The following CHRM3 variants were observed in gnomAD, a reference collection of about 807,000 sequenced individuals.
CHRM3 encodes muscarinic acetylcholine receptor M3.
CHRM3 carries 11 observed loss-of-function variants against 41.8 expected under a neutral mutation model. The ratio of observed to expected loss-of-function variants is 0.26; its 90% CI spans 0.17 to 0.44. The LOEUF is 0.44. Ranked by LOEUF, CHRM3 falls within the 20% of genes least tolerant of loss-of-function variation. The pLI is 1.00. For missense variants in CHRM3, 571 were observed against 745.4 expected (o/e 0.77, Z 2.72); for synonymous variants, 297 against 301.4 (o/e 0.99, Z 0.15).
intron 1 of CHRM3, among the ~76,000 whole-genome samples, chr1:239,461,653 G>A (rs1665369914): frequency 6.6e-6 from 1 of 152,048 alleles, no homozygotes; most frequent in Non-Finnish European, 1.5e-5. Flanking sequence ...CTCCCTGGTG[G>A]TCTCTCTGGT....
intron 4 of CHRM3, among the ~76,000 whole-genome samples, chr1:239,635,002 C>T (rs1193990243): frequency 6.6e-6 from 1 of 152,220 alleles, no homozygotes; most frequent in African/African-American, 2.4e-5. Context: ...CAGGGAAATA[C>T]TCTGATATCT....
intron 1 of CHRM3, among the ~76,000 whole-genome samples, chr1:239,396,711 A>G (rs1023584075): frequency 6.6e-6 from 1 of 152,220 alleles, no homozygotes; most frequent in African/African-American, 2.4e-5. Context: ...TATCAAAAGT[A>G]AAAGTCCACC....
chr1:239,533,511 G>A lies in CHRM3; in HGVS notation c.-421-12130G>A, dbSNP rs574513231. Among the ~76,000 whole-genome samples the A allele has an allele frequency of 1.3e-4, 19 of 151,388 alleles. No individual in the cohort carries two copies. In the South Asian group the frequency reaches 3.8e-3, roughly 30 times the overall value. The stretch of plus-strand genomic sequence containing the variant: ...AGCGCTTTGGGAGGCCGAGATGGGT[G>A]GATCATCTAAGGTCAGGAGTTTGAG... On this transcript the variant is annotated intron_variant, in intron 2 of 6. Coordinates refer to ENST00000676153, the MANE Select transcript of CHRM3 (RefSeq NM_001375978.1).
intron 6 of CHRM3, among the ~76,000 whole-genome samples, chr1:239,904,891 A>C (rs949742464): frequency 6.6e-6 from 1 of 152,210 alleles, no homozygotes; most frequent in African/African-American, 2.4e-5. Context: ...ACATGTGTAC[A>C]TGTATTTATA....
intron 6 of CHRM3, among the ~76,000 whole-genome samples, chr1:239,858,629 A>G (rs1461172568): frequency 6.6e-6 from 1 of 152,092 alleles, no homozygotes; most frequent in Non-Finnish European, 1.5e-5. Context: ...TTAGTCACGA[A>G]TCATTTTAAA....
At chr1:239,736,585 G>A (rs1479453416) in intron 5 of CHRM3, among the ~76,000 whole-genome samples, 1 of 152,016 alleles carries the variant, frequency 6.6e-6, no homozygotes, top group Non-Finnish European at 1.5e-5. Context: ...ATGACTCTCA[G>A]ATTAATATAC....
At chr1:239,855,628 A>T (rs1002556655) in intron 6 of CHRM3, among the ~76,000 whole-genome samples, 1 of 152,102 alleles carries the variant, frequency 6.6e-6, no homozygotes, top group South Asian at 2.1e-4. Flanking sequence ...GAGTCTGCTT[A>T]TAGATTGATC....
chr1:239,759,615 T>A (rs1185148789), intron 5 of CHRM3, among the ~76,000 whole-genome samples: 2 of 152,184 alleles, frequency 1.3e-5, no homozygotes, highest in Non-Finnish European at 2.9e-5. Context: ...AAAATAGTCA[T>A]TTGCTTTTTA....
intron 1 of CHRM3, among the ~76,000 whole-genome samples, chr1:239,448,743 A>C (rs1664344572): frequency 6.6e-6 from 1 of 152,180 alleles, no homozygotes; most frequent in African/African-American, 2.4e-5. Context: ...ACTATTGATA[A>C]TAATCATTAC....
intron 2 of CHRM3, among the ~76,000 whole-genome samples, chr1:239,494,133 C>G (rs1667731796): frequency 6.6e-6 from 1 of 152,082 alleles, no homozygotes. Flanking sequence ...TTAGAACTTT[C>G]TAGGAAAGAA....
At chr1:239,572,766 A>T (rs1006733188) in intron 3 of CHRM3, among the ~76,000 whole-genome samples, 6 of 152,218 alleles carry the variant, frequency 3.9e-5, no homozygotes, top group Admixed American at 2.6e-4. Context: ...GTGATATGGG[A>T]TGCATATGAA....
intron 5 of CHRM3, among the ~76,000 whole-genome samples, chr1:239,817,798 A>G (rs1671716286): frequency 6.6e-6 from 1 of 152,108 alleles, no homozygotes; most frequent in African/African-American, 2.4e-5. Flanking sequence ...TTAAGCAGCT[A>G]CAATGTTACT....
rs1391715587 is a variant in CHRM3, at chr1:239,748,047, T to G, written c.-147+69759T>G. 6.6e-6 allele frequency among the ~76,000 whole-genome samples: 1 copy of G among 151,892 alleles called. No individual in the cohort carries two copies. Among genetic ancestry groups the G allele is most frequent in the African/African-American group, 2.4e-5 (1 of 41,366 alleles). ...AGACTCTGTCTCAAAAAATAAACAC[T>G]GATATTTAAAGGAACACTGTGAAAA... On this transcript the variant is annotated intron_variant, in intron 5 of 6. Coordinates refer to ENST00000676153, the MANE Select transcript of CHRM3 (RefSeq NM_001375978.1). The surrounding 1 kb of genome is among the most constrained non-coding windows in gnomAD (Gnocchi z 4.3).
At chr1:239,701,324 C>T (rs1660665260) in intron 5 of CHRM3, among the ~76,000 whole-genome samples, 1 of 152,186 alleles carries the variant, frequency 6.6e-6, no homozygotes, top group Admixed American at 6.5e-5. Context: ...CTAGCATGTA[C>T]TGATAAACTA....
chr1:239,794,005 G>A (rs1292678163), intron 5 of CHRM3, among the ~76,000 whole-genome samples: 8 of 151,538 alleles, frequency 5.3e-5, no homozygotes, highest in Admixed American at 5.3e-4. Flanking sequence ...GTATAGACAG[G>A]GTGTTGCCCT....
At position 239,663,065 on chromosome 1, in the gene CHRM3, G is replaced by T. The variant is rs1673424285; in HGVS notation, c.-249-15121G>T. On this transcript the variant is annotated intron_variant, in intron 4 of 6. Transcript: ENST00000676153. ...CTTCTGTTTTTTAAATCTCTCACATGTATTGCTGTGTTTGGGAAGCAGAAG... is the reference window on the plus strand; with the variant it reads ...CTTCTGTTTTTTAAATCTCTCACATTTATTGCTGTGTTTGGGAAGCAGAAG... Among the ~76,000 whole-genome samples the T allele has an allele frequency of 1.3e-5, 2 of 150,008 alleles. 1 individual carries two copies. Among genetic ancestry groups the T allele is most frequent in the South Asian group, 4.2e-4 (2 of 4,744 alleles).
At chr1:239,819,276 T>A (rs6692282) in intron 5 of CHRM3, among the ~76,000 whole-genome samples, 1,527 of 152,098 alleles carry the variant, frequency 0.01, 22 homozygotes, top group African/African-American at 0.034. Context: ...GTCTCTTAGG[T>A]CCCCCTGCAG....
intron 1 of CHRM3, among the ~76,000 whole-genome samples, chr1:239,455,740 T>C (rs1484618309): frequency 1.3e-5 from 2 of 152,154 alleles, no homozygotes; most frequent in African/African-American, 4.8e-5. Context: ...ATTTATAAAG[T>C]AAAAATGTTA....
intron 3 of CHRM3, among the ~76,000 whole-genome samples, chr1:239,589,108 A>G (rs1312328301): frequency 6.6e-6 from 1 of 151,800 alleles, no homozygotes; most frequent in Non-Finnish European, 1.5e-5. Context: ...TGATTTTTGT[A>G]TTTTTAGTAG....
Sources: gnomAD v4.1 joint callset for allele counts (sites outside exome capture counted in the v4.1 genomes callset) on GRCh38, gnomAD v4.1.1 for gene constraint, Gnocchi (gnomAD v3.1) non-coding constraint, MANE v1.5 for transcripts, NCBI Gene and HGNC (gene_info 2026-07-23, HGNC 2026-07-21) for gene names.